Variants in TRIOBP observed in about 807,000 individuals in gnomAD.
The protein encoded by TRIOBP is TRIO and F-actin binding protein.
TRIOBP carries 169 observed loss-of-function variants against 238.8 expected under a neutral mutation model. The observed-to-expected ratio is 0.71, with a 90% CI of 0.62 to 0.80. TRIOBP has a LOEUF of 0.80. Ranked by LOEUF, TRIOBP falls within the 30% of genes least tolerant of loss-of-function variation. The pLI is 0.00. For missense variants in TRIOBP, 2,838 were observed against 3,122.6 expected (o/e 0.91, Z 2.17); for synonymous variants, 1,150 against 1,274.4 (o/e 0.90, Z 2.08).
At chr22:37,736,564 C>A (rs1924681185) in intron 9 of TRIOBP, among the ~76,000 whole-genome samples, 1 of 152,174 alleles carries the variant, frequency 6.6e-6, no homozygotes, top group African/African-American at 2.4e-5. Flanking sequence ...GGGGGTCACA[C>A]ATGCATAGGT....
intron 19 of TRIOBP, among the ~76,000 whole-genome samples, chr22:37,768,827 G>C (rs1004942474): frequency 6.6e-6 from 1 of 151,694 alleles, no homozygotes; most frequent in Non-Finnish European, 1.5e-5. Flanking sequence ...AAAAAGATGG[G>C]CTCCTCCAAG....
In TRIOBP at chr22:37,754,967, G is replaced by A; in HGVS notation, c.5470G>A (p.Asp1824Asn). 1 of 1,614,142 alleles carries A rather than the reference G, an allele frequency of 6.2e-7. No individual in the cohort carries two copies. The highest frequency in any genetic ancestry group is 8.5e-7 in the Non-Finnish European group (1 of 1,180,026). The change falls in exon 13 of 24, where the codon GAC becomes AAC. Residue 1824 changes from aspartate (D) to asparagine (N), a missense_variant. Physicochemically the swap from Asp to Asn is conservative, Grantham distance 23. Coordinates refer to ENST00000644935, the MANE Select transcript of TRIOBP (RefSeq NM_001039141.3). The part of the protein sequence containing the change: ...LTDSSLKYYR[D>N]STAEEADELD... Reference sequence around the variant, plus strand: ...AGATTCAAGTCTCAAATATTACAGAGACTCCACTGCTGAGGAGGTGAGGCC... The same window carrying A: ...AGATTCAAGTCTCAAATATTACAGAAACTCCACTGCTGAGGAGGTGAGGCC...
rs1926244377 is a variant in TRIOBP at position 37,761,547 on chromosome 22, G to A, written c.6324+2283G>A. Among the ~76,000 whole-genome samples, 7 of 152,190 alleles carry A rather than the reference G, an allele frequency of 4.6e-5. No homozygotes were observed. The South Asian group carries it at 1.4e-3, about 32-fold the overall frequency. On this transcript the variant is annotated intron_variant, in intron 17 of 23. Transcript: ENST00000644935. ...CAGTGACATCAGGAAAGTGATGTTG[G>A]AGTGGAGGGGGCTTGGGAGAGGGCC...
chr22:37,742,257 G>GTTTTTTT (rs762341330), intron 11 of TRIOBP, among the ~76,000 whole-genome samples: 10 of 102,764 alleles, frequency 9.7e-5, no homozygotes, highest in Non-Finnish European at 1.1e-4. Flanking sequence ...CACGCCAGGC[G>GTTTTTTT]TTTTTTTTTT....
At chr22:37,702,667 G>A (rs76043585) in intron 3 of TRIOBP, among the ~76,000 whole-genome samples, 6,789 of 137,560 alleles carry the variant, frequency 0.049, 592 homozygotes, top group African/African-American at 0.18. Flanking sequence ...TTGGAGATAG[G>A]GTCTTGCTCT....
chr22:37,757,602 T>C lies in TRIOBP; in HGVS notation c.5688-11T>C. 2 of 1,572,400 alleles carry C rather than the reference T, an allele frequency of 1.3e-6. No individual in the cohort carries two copies. The highest frequency in any genetic ancestry group is 1.7e-6 in the Non-Finnish European group (2 of 1,162,814). ...GAGGACCCACCTGACGTGGCTCTGC[T>C]GGTGCCCTAGGCTCTCGGACTCTAA... On this transcript the variant is annotated splice_polypyrimidine_tract_variant and intron_variant, in intron 15 of 23. Transcript: ENST00000644935.
chr22:37,707,968 C>T (rs1441666609), intron 3 of TRIOBP, among the ~76,000 whole-genome samples: 1 of 131,552 alleles, frequency 7.6e-6, no homozygotes, highest in Non-Finnish European at 1.6e-5. Flanking sequence ...AAAAAAAGGC[C>T]GGGCGTGGTG....
At chr22:37,709,688 G>T (rs993318023) in intron 3 of TRIOBP, among the ~76,000 whole-genome samples, 5 of 152,184 alleles carry the variant, frequency 3.3e-5, no homozygotes, top group Non-Finnish European at 7.4e-5. Context: ...ATTGGGGGGG[G>T]CCCTGGAGGT....
intron 6 of TRIOBP, 91 bp downstream of exon 6, chr22:37,716,025 C>T (rs1208249884): frequency 1.4e-6 from 2 of 1,446,080 alleles, no homozygotes; most frequent in African/African-American, 2.8e-5. Flanking sequence ...CTGGGCACGG[C>T]TTACTTTGGT....
At chr22:37,755,726 A>T (rs1046868076) in intron 15 of TRIOBP, 67 bp downstream of exon 15, 1 of 1,403,904 alleles carries the variant, frequency 7.1e-7, no homozygotes, top group Non-Finnish European at 1.0e-6. Flanking sequence ...GTGGGTTTCT[A>T]GGTACTCACC....
chr22:37,744,434 T>C (rs1925115225), intron 11 of TRIOBP, among the ~76,000 whole-genome samples: 1 of 152,206 alleles, frequency 6.6e-6, no homozygotes, highest in Non-Finnish European at 1.5e-5. Flanking sequence ...CAGGTTGTGA[T>C]GGTTCCTGAC....
intron 2 of TRIOBP, among the ~76,000 whole-genome samples, chr22:37,700,327 C>T (rs12627943): frequency 1.4e-5 from 2 of 146,642 alleles, no homozygotes; most frequent in South Asian, 4.3e-4. Flanking sequence ...AGTGCTGTAA[C>T]TATTCACAGG....
At chr22:37,721,088 A>G (rs1923804697) in intron 6 of TRIOBP, among the ~76,000 whole-genome samples, 1 of 145,156 alleles carries the variant, frequency 6.9e-6, no homozygotes, top group Non-Finnish European at 1.5e-5. Context: ...CAGGGCTGGT[A>G]TCGATCTCCT....
rs540783607 is a variant in TRIOBP, at chr22:37,737,830, G to A, written c.5107-812G>A. Among the ~76,000 whole-genome samples, 10 of 152,118 alleles carry A rather than the reference G, an allele frequency of 6.6e-5. No individual in the cohort carries two copies. The South Asian group carries it at 8.3e-4, about 13-fold the overall frequency. ...AGCCACCAAACGCCTGTTCATTGTC[G>A]AAGTCTTAGGTCAGGCTCCCTGTCC... On this transcript the variant is annotated intron_variant, in intron 9 of 23. Coordinates refer to ENST00000644935, the MANE Select transcript of TRIOBP (RefSeq NM_001039141.3).
chr22:37,769,133 GCA>G lies in TRIOBP; in HGVS notation c.6685_6686del (p.Thr2229AlafsTer107). ...TCATGCGGCAGGCTGAGGAGCGCGA[GCA>G]CACGCTGCGCCGCTGCCAGCAGGAG... ...ALMRQAEEREHTLRRCQQEGQ... is the reference protein window; with the variant it reads ...ALMRQAEEREXTLRRCQQEGQ... On this transcript the variant is annotated frameshift_variant, in exon 20 of 24. Coordinates refer to ENST00000644935, the MANE Select transcript of TRIOBP (RefSeq NM_001039141.3). LOFTEE classifies it high-confidence loss of function. 1 of 1,612,884 alleles carries G rather than the reference GCA, an allele frequency of 6.2e-7. No homozygotes were observed. The highest frequency in any genetic ancestry group is 8.5e-7 in the Non-Finnish European group (1 of 1,179,874).
In TRIOBP at chr22:37,725,015, A is replaced by G. The variant is rs756634670; in HGVS notation, c.2459A>G (p.Gln820Arg). 1 of 1,614,084 alleles carries G rather than the reference A, an allele frequency of 6.2e-7. No homozygotes were observed. Among genetic ancestry groups the G allele is most frequent in the Admixed American group, 1.7e-5 (1 of 60,022 alleles). The change falls in exon 7 of 24, where the codon CAA (glutamine) becomes CGA (arginine). Residue 820 changes from glutamine to arginine, a missense_variant. Coordinates refer to ENST00000644935, the MANE Select transcript of TRIOBP (RefSeq NM_001039141.3). ...TQQDNPRTCI[Q>R]QNIPRSSSTQ... ...CAGGACAACCCCAGAACTTGTATTC[A>G]ACAGAACATCCCCAGATCATCTTCT...
At chr22:37,717,776 C>G (rs980217395) in intron 6 of TRIOBP, among the ~76,000 whole-genome samples, 4 of 152,256 alleles carry the variant, frequency 2.6e-5, no homozygotes, top group Non-Finnish European at 5.9e-5. Flanking sequence ...CAGCTGGCTT[C>G]ACCCAGTGGA....
At chr22:37,745,600 C>G (rs1388197077) in intron 11 of TRIOBP, among the ~76,000 whole-genome samples, 2 of 152,344 alleles carry the variant, frequency 1.3e-5, no homozygotes, top group South Asian at 2.1e-4. Context: ...GGGAGAGACC[C>G]TGCCATCCAA....
intron 3 of TRIOBP, among the ~76,000 whole-genome samples, chr22:37,702,732 C>G (rs1226020131): frequency 6.8e-6 from 1 of 146,904 alleles, no homozygotes; most frequent in Non-Finnish European, 1.5e-5. Context: ...TCACTGTAGC[C>G]TCGACCTCCC....
Sources: allele counts gnomAD v4.1 joint callset (sites outside exome capture counted in the v4.1 genomes callset), GRCh38; gene constraint gnomAD v4.1.1; transcripts MANE v1.5; gene names NCBI Gene and HGNC (gene_info 2026-07-23, HGNC 2026-07-21).